PPP2R2B: variants seen among roughly 807,000 people sequenced by gnomAD.
The protein encoded by PPP2R2B is protein phosphatase 2 regulatory subunit Bbeta.
A neutral mutation model predicts 46.0 loss-of-function variants in PPP2R2B; 5 were observed. The ratio of observed to expected loss-of-function variants is 0.11; its 90% confidence interval spans 0.06 to 0.23. The LOEUF is 0.23. Ranked by LOEUF, PPP2R2B falls within the 10% of genes least tolerant of loss-of-function variation. The pLI, the probability that PPP2R2B is intolerant of heterozygous loss-of-function variation, is 1.00. For synonymous variants in PPP2R2B, 215 were observed against 206.7 expected (o/e 1.04, Z -0.34); for missense variants, 367 against 575.0 (o/e 0.64, Z 3.70).
intron 2 of PPP2R2B, among the ~76,000 whole-genome samples, chr5:146,860,084 T>C (rs1049082353): frequency 1.3e-5 from 2 of 152,194 alleles, no homozygotes; most frequent in African/African-American, 4.8e-5. Flanking sequence ...TCTTGGACTA[T>C]GGTTTCCTCT....
chr5:146,617,306 C>G (rs1773259071), intron 7 of PPP2R2B, among the ~76,000 whole-genome samples: 1 of 152,004 alleles, frequency 6.6e-6, no homozygotes, highest in Non-Finnish European at 1.5e-5. Flanking sequence ...GATAGCACAA[C>G]AGGGTGATTA....
chr5:146,605,045 G>T (rs1772134660), intron 7 of PPP2R2B, among the ~76,000 whole-genome samples: 1 of 152,158 alleles, frequency 6.6e-6, no homozygotes, highest in Non-Finnish European at 1.5e-5. Flanking sequence ...CACAAGTCCA[G>T]GCTGGCTTTT....
intron 2 of PPP2R2B, among the ~76,000 whole-genome samples, chr5:146,706,001 A>G (rs1369114795): frequency 1.3e-5 from 2 of 152,014 alleles, no homozygotes; most frequent in East Asian, 3.9e-4. Context: ...AAAACAAAAC[A>G]AAAAACAATT....
chr5:146,628,234 T>C (rs322489), intron 7 of PPP2R2B, among the ~76,000 whole-genome samples: 152,068 of 152,336 alleles, frequency 1, 75,900 homozygotes, highest in Middle Eastern at 1. Context: ...TGTAAGCCAC[T>C]GCACCTGGCC....
rs116315103 is a variant in PPP2R2B, at chr5:146,849,355, A to C, written c.70+28647T>G. 7.2e-3 allele frequency among the ~76,000 whole-genome samples: 1,104 copies of C among 152,322 alleles called. 15 individuals carry two copies. The highest frequency in any genetic ancestry group is 0.026 in the African/African-American group (1,065 of 41,574). ...TTGATGTCTCTAACTTTAATTCATT[A>C]CCACATGTAGCATTCTAACATCCTC... On this transcript the variant is annotated intron_variant, in intron 2 of 9. Coordinates refer to ENST00000394411, the MANE Select transcript of PPP2R2B (RefSeq NM_181675.4).
At chr5:146,921,568 C>A (rs1263437942) in intron 1 of PPP2R2B, among the ~76,000 whole-genome samples, 1 of 152,182 alleles carries the variant, frequency 6.6e-6, no homozygotes, top group Non-Finnish European at 1.5e-5. Flanking sequence ...TGAGAAAAGA[C>A]TCAAAAGATG....
At chr5:146,605,352 C>CTGTT (rs576818776) in intron 7 of PPP2R2B, among the ~76,000 whole-genome samples, 246 of 152,274 alleles carry the variant, frequency 1.6e-3, no homozygotes, top group Admixed American at 5.2e-3. Context: ...TCCCTCCCAG[C>CTGTT]TGTTGGATTC....
At chr5:146,708,877 A>G (rs1780054803) in intron 2 of PPP2R2B, among the ~76,000 whole-genome samples, 2 of 152,162 alleles carry the variant, frequency 1.3e-5, no homozygotes, top group South Asian at 4.1e-4. Flanking sequence ...CTTTTCACCT[A>G]TGCCCTTGTC....
chr5:146,776,504 A>T (rs1327314821), intron 2 of PPP2R2B, among the ~76,000 whole-genome samples: 2 of 152,142 alleles, frequency 1.3e-5, no homozygotes, highest in Non-Finnish European at 2.9e-5. Flanking sequence ...TTAACTCAAA[A>T]TAAACTACAA....
chr5:146,641,660 G>A (rs1775230087), intron 6 of PPP2R2B, among the ~76,000 whole-genome samples: 1 of 152,010 alleles, frequency 6.6e-6, no homozygotes, highest in African/African-American at 2.4e-5. Context: ...GGGGATGATG[G>A]GAGAGGATAT....
chr5:146,598,245 T>C (rs1561755595), intron 8 of PPP2R2B, among the ~76,000 whole-genome samples: 1 of 152,234 alleles, frequency 6.6e-6, no homozygotes, highest in Non-Finnish European at 1.5e-5. Flanking sequence ...CTGTACTTGA[T>C]TCAGCAAAGC....
intron 1 of PPP2R2B, among the ~76,000 whole-genome samples, chr5:147,022,285 C>T (rs560174120): frequency 5.0e-4 from 76 of 151,806 alleles, no homozygotes; most frequent in African/African-American, 1.1e-3. Flanking sequence ...TGGCCAGGCG[C>T]GGTGACACTC....
intron 2 of PPP2R2B, among the ~76,000 whole-genome samples, chr5:147,069,780 A>G (rs781253388): frequency 8.9e-5 from 5 of 56,086 alleles, no homozygotes; most frequent in African/African-American, 2.4e-4. Context: ...AACACATTTT[A>G]TACTGTTTTT....
chr5:146,963,907 T>C lies in PPP2R2B; in HGVS notation c.79+91758A>G, dbSNP rs181560393. Reference sequence around the variant, plus strand: ...AGTTGTCCTCTAAAAAGAACAATTGTAACAGCTTGACCTTTCAGGTCTCAT... The same window carrying C: ...AGTTGTCCTCTAAAAAGAACAATTGCAACAGCTTGACCTTTCAGGTCTCAT... On this transcript the variant is annotated intron_variant, in intron 1 of 8. Coordinates refer to the PPP2R2B transcript ENST00000336640. Among the ~76,000 whole-genome samples, 289 of 152,346 alleles carry C rather than the reference T, an allele frequency of 1.9e-3. 2 individuals are homozygous for C. The Middle Eastern group carries it at 0.02, about 11-fold the overall frequency.
intron 2 of PPP2R2B, among the ~76,000 whole-genome samples, chr5:146,755,028 T>C (rs1326503244): frequency 1.3e-5 from 2 of 152,164 alleles, no homozygotes; most frequent in South Asian, 2.1e-4. Context: ...ATGGCAGCAA[T>C]TGACAACAAT....
intron 2 of PPP2R2B, among the ~76,000 whole-genome samples, chr5:146,849,147 T>C (rs948245352): frequency 1.3e-5 from 2 of 152,214 alleles, no homozygotes; most frequent in Admixed American, 6.5e-5. Flanking sequence ...TGGTTCCTTT[T>C]ATTAAAGAAT....
rs1308559687 is a variant in PPP2R2B, at chr5:146,667,326, GCGCGCGCA to G, written c.448-16610_448-16603del. Reference sequence around the variant, plus strand: ...AAGGAGAGACAGCAGGAATAGGCGTGCGCGCGCACACACACACACACACACACACACAC... The same window carrying G: ...AAGGAGAGACAGCAGGAATAGGCGTGCACACACACACACACACACACACAC... On this transcript the variant is annotated intron_variant, in intron 5 of 9. Transcript: ENST00000394411. Among the ~76,000 whole-genome samples, 87 of 50,704 alleles carry G rather than the reference GCGCGCGCA, an allele frequency of 1.7e-3. 1 individual carries two copies. Among genetic ancestry groups the G allele is most frequent in the African/African-American group, 3.7e-3 (71 of 19,426 alleles). 33.3% of individuals were successfully genotyped at this position (50,704 alleles called of 152,430 possible).
At chr5:146,614,227 C>G (rs1340146465) in intron 7 of PPP2R2B, among the ~76,000 whole-genome samples, 1 of 119,992 alleles carries the variant, frequency 8.3e-6, no homozygotes, top group Non-Finnish European at 1.6e-5. Flanking sequence ...CTTTGACAAA[C>G]CTGAGAAAAA....
intron 1 of PPP2R2B, among the ~76,000 whole-genome samples, chr5:147,014,570 G>A (rs1406799130): frequency 6.6e-6 from 1 of 152,098 alleles, no homozygotes; most frequent in Admixed American, 6.6e-5. Flanking sequence ...AAAATGATGA[G>A]TTCATGTCCT....
Sources: gnomAD v4.1 joint callset for allele counts (sites outside exome capture counted in the v4.1 genomes callset) on GRCh38, gnomAD v4.1.1 for gene constraint, MANE v1.5 for transcripts, NCBI Gene and HGNC (gene_info 2026-07-23, HGNC 2026-07-21) for gene names.